Variants in CYREN observed in about 807,000 individuals in gnomAD.
CYREN encodes cell cycle regulator of NHEJ.
CYREN carries 7 observed loss-of-function variants against 9.7 expected under a neutral mutation model. The observed-to-expected ratio is 0.72, with a 90% CI of 0.41 to 1.36. CYREN has a LOEUF of 1.36. Ranked by LOEUF, CYREN falls within the 40% of genes most tolerant of loss-of-function variation. The pLI is 0.01. For missense variants in CYREN, 215 were observed against 198.1 expected, an observed-to-expected ratio of 1.09 and a Z score of -0.51; for synonymous variants, 76 against 77.9, an observed-to-expected ratio of 0.98 and a Z score of 0.13.
rs1830139735 is a variant in CYREN, at chr7:135,166,453, G to A, written c.*158C>T. 3 of 1,225,832 alleles carry A rather than the reference G, an allele frequency of 2.4e-6. No individual in the cohort carries two copies. The highest frequency in any genetic ancestry group is 2.2e-6 in the Non-Finnish European group (2 of 905,360). 75.9% of individuals were successfully genotyped at this position (1,225,832 alleles called of 1,614,324 possible). On this transcript the variant is annotated 3_prime_UTR_variant, in exon 4 of 4. Transcript: ENST00000393114. ...CAGCCCCAAGGCCCGGAGTGTCCAG[G>A]GGCTTCTGGCCTGAGGTGAATCTGC...
intron 2 of CYREN, among the ~76,000 whole-genome samples, chr7:135,122,579 G>A (rs1827287206): frequency 6.6e-6 from 1 of 152,158 alleles, no homozygotes; most frequent in Non-Finnish European, 1.5e-5. Flanking sequence ...CCACCCAACT[G>A]GGTAAGACCC....
intron 2 of CYREN, among the ~76,000 whole-genome samples, chr7:135,120,729 G>A (rs1827021018): frequency 6.6e-6 from 1 of 152,174 alleles, no homozygotes; most frequent in Non-Finnish European, 1.5e-5. Flanking sequence ...GAGGCAGGCT[G>A]AAAGTAAAAG....
downstream of CYREN, among the ~76,000 whole-genome samples, chr7:135,162,445 T>C (rs373736783): frequency 4.6e-5 from 7 of 152,200 alleles, no homozygotes; most frequent in East Asian, 1.2e-3. Context: ...CATACTGCTA[T>C]GAAGAGATAC....
At chr7:135,130,769 A>G (rs1442702177) in intron 2 of CYREN, among the ~76,000 whole-genome samples, 1 of 152,166 alleles carries the variant, frequency 6.6e-6, no homozygotes, top group Non-Finnish European at 1.5e-5. Context: ...GTCTTCTCTA[A>G]CAAGCTATGG....
intron 2 of CYREN, among the ~76,000 whole-genome samples, chr7:135,119,897 G>GAA (rs1826903357): frequency 6.6e-6 from 1 of 152,014 alleles, no homozygotes; most frequent in African/African-American, 2.4e-5. Flanking sequence ...AAAAGAAAAA[G>GAA]AAAGGAGTCA....
At chr7:135,102,286 T>C (rs1468572595) in intron 2 of CYREN, among the ~76,000 whole-genome samples, 1 of 152,220 alleles carries the variant, frequency 6.6e-6, no homozygotes, top group Non-Finnish European at 1.5e-5. Flanking sequence ...TGGACTACCA[T>C]GGAAATTATA....
exon 3 of CYREN, chr7:135,093,094 A>C (rs1822099383): frequency 6.6e-6 from 1 of 151,938 alleles, no homozygotes; most frequent in African/African-American, 2.4e-5. Flanking sequence ...TGGTAGTGCA[A>C]GACTAAATGC....
chr7:135,138,065 A>T (rs1196203121), intron 2 of CYREN, among the ~76,000 whole-genome samples: 2 of 152,022 alleles, frequency 1.3e-5, no homozygotes, highest in African/African-American at 4.8e-5. Flanking sequence ...ACCGCTGACT[A>T]CAGTTCTGTA....
intron 2 of CYREN, chr7:135,129,531 T>C: frequency 1.3e-6 from 1 of 772,182 alleles, no homozygotes; most frequent in South Asian, 1.3e-5. Flanking sequence ...CAAGATGACA[T>C]GTACTGGCTG....
At chr7:135,120,271 T>C (rs111243584) in intron 2 of CYREN, among the ~76,000 whole-genome samples, 13 of 152,346 alleles carry the variant, frequency 8.5e-5, no homozygotes, top group African/African-American at 3.1e-4. Flanking sequence ...AAAATTATAA[T>C]ATTGATGTGG....
chr7:135,119,832 G>A (rs541421689), intron 2 of CYREN, among the ~76,000 whole-genome samples: 3 of 152,206 alleles, frequency 2.0e-5, no homozygotes, highest in East Asian at 1.9e-4. Context: ...AGCCAAGATC[G>A]TGCCACTGCA....
At chr7:135,128,331 A>T (rs1224755073) in intron 2 of CYREN, 1 of 300,092 alleles carries the variant, frequency 3.3e-6, no homozygotes, top group African/African-American at 2.2e-5. Context: ...GAAAAAAAAA[A>T]ACAAAACAAC....
rs56802015 is a variant in CYREN, at chr7:135,126,652, T to G, written n.357-32070A>C. Among the ~76,000 whole-genome samples, 2,736 of 152,258 alleles carry G rather than the reference T, an allele frequency of 0.018. 173 individuals are homozygous for G. The East Asian group carries it at 0.23, about 13-fold the overall frequency. ...CTAACTTCAAACTGTACTACGAGGC[T>G]ACAGTAACCAAAACAGATATATAGA... On this transcript the variant is annotated intron_variant and non_coding_transcript_variant, in intron 2 of 2. Transcript: ENST00000459937.
At chr7:135,096,558 AAGAT>A (rs1167936702) in intron 2 of CYREN, among the ~76,000 whole-genome samples, 12 of 79,788 alleles carry the variant, frequency 1.5e-4, no homozygotes, top group Admixed American at 7.9e-4. Context: ...GAAAGAAAGA[AAGAT>A]AGATAGATAG....
chr7:135,154,818 A>G (rs1829749506), intron 2 of CYREN, among the ~76,000 whole-genome samples: 1 of 152,214 alleles, frequency 6.6e-6, no homozygotes, highest in South Asian at 2.1e-4. Context: ...AATAATGTAT[A>G]TTCTGTAGTT....
chr7:135,167,992 A>G, intron 2 of CYREN, 185 bp from the exon 3 acceptor site: 1 of 1,036,998 alleles, frequency 9.6e-7, no homozygotes, highest in Non-Finnish European at 1.4e-6. Flanking sequence ...AGTGACTGGC[A>G]CAGGGCTTCA....
intron 3 of CYREN, 100 bp from the exon 4 acceptor site, chr7:135,166,971 G>C: frequency 2.0e-6 from 3 of 1,533,626 alleles, no homozygotes; most frequent in Non-Finnish European, 2.6e-6. Flanking sequence ...CAACTACAAA[G>C]CCAATGTGAC....
chr7:135,093,779 A>C (rs1377353507), exon 3 of CYREN: 3 of 152,224 alleles, frequency 2.0e-5, no homozygotes. Flanking sequence ...TGGAAATACA[A>C]GGGACCCAGA....
At chr7:135,115,296 A>C in intron 2 of CYREN, 1 of 887,186 alleles carries the variant, frequency 1.1e-6, no homozygotes, top group Non-Finnish European at 1.7e-6. Flanking sequence ...ATTTTAGATA[A>C]AATCCTTGGC....
Sources: allele counts gnomAD v4.1 joint callset (sites outside exome capture counted in the v4.1 genomes callset), GRCh38; gene constraint gnomAD v4.1.1; transcripts MANE v1.5; gene names NCBI Gene and HGNC (gene_info 2026-07-23, HGNC 2026-07-21).